PTPRD: variants seen among roughly 807,000 people sequenced by gnomAD.
PTPRD encodes the protein receptor-type tyrosine-protein phosphatase delta.
Under a neutral mutation model 214.5 loss-of-function variants are expected in PTPRD, and 34 were observed. The observed-to-expected ratio is 0.16, with a 90% CI of 0.12 to 0.21. The LOEUF (loss-of-function observed/expected upper bound fraction) is 0.21. Among genes scored for constraint, PTPRD ranks in the 10% least tolerant of loss-of-function variants. The pLI is 1.00. For synonymous variants in PTPRD, 1,128 were observed against 845.7 expected (o/e 1.33, Z -5.79); for missense variants, 2,545 against 2,398.7 (o/e 1.06, Z -1.27).
chr9:10,556,347 G>A (rs937438058), intron 2 of PTPRD, among the ~76,000 whole-genome samples: 1 of 151,800 alleles, frequency 6.6e-6, no homozygotes, highest in Non-Finnish European at 1.5e-5. Flanking sequence ...AAAAAAACAT[G>A]GAAGGAGATA....
At chr9:9,942,226 T>C (rs1315433503) in intron 4 of PTPRD, among the ~76,000 whole-genome samples, 1 of 152,158 alleles carries the variant, frequency 6.6e-6, no homozygotes, top group Non-Finnish European at 1.5e-5. Flanking sequence ...TATATTCTTA[T>C]TCTCCACCTC....
chr9:8,738,575 T>C (rs2091088520), intron 11 of PTPRD, among the ~76,000 whole-genome samples: 1 of 150,150 alleles, frequency 6.7e-6, no homozygotes, highest in African/African-American at 2.4e-5. Flanking sequence ...AAATCCAAGA[T>C]GATGAGGTGC....
chr9:10,091,827 A>T (rs1293629926), intron 3 of PTPRD, among the ~76,000 whole-genome samples: 2 of 151,458 alleles, frequency 1.3e-5, no homozygotes, highest in Admixed American at 1.3e-4. Context: ...AAAAAATAGC[A>T]TCATCATTAA....
At chr9:9,082,405 G>A (rs953547983) in intron 10 of PTPRD, among the ~76,000 whole-genome samples, 5 of 151,882 alleles carry the variant, frequency 3.3e-5, no homozygotes, top group Admixed American at 6.6e-5. Flanking sequence ...ATTCAACACC[G>A]CTTCATGCTA....
chr9:8,378,492 T>C (rs902819630), intron 37 of PTPRD, among the ~76,000 whole-genome samples: 3 of 152,070 alleles, frequency 2.0e-5, no homozygotes, highest in Non-Finnish European at 2.9e-5. Context: ...GTCAGGTGGA[T>C]GTCTCCCAGC....
chr9:9,387,120 T>C (rs1027891237), intron 9 of PTPRD, among the ~76,000 whole-genome samples: 4 of 152,208 alleles, frequency 2.6e-5, no homozygotes, highest in Admixed American at 6.5e-5. Context: ...AAGGCTTACA[T>C]TGGAATGAAT....
At chr9:8,500,264 A>G (rs1221134007) in intron 24 of PTPRD, among the ~76,000 whole-genome samples, 1 of 152,090 alleles carries the variant, frequency 6.6e-6, no homozygotes. Context: ...ATTCTTGATT[A>G]TATGTATTAT....
At chr9:9,019,146 A>T (rs557942088) in intron 10 of PTPRD, among the ~76,000 whole-genome samples, 17 of 152,132 alleles carry the variant, frequency 1.1e-4, no homozygotes, top group Non-Finnish European at 1.9e-4. Flanking sequence ...AACCTTTGTT[A>T]AGATTTTAAT....
At chr9:8,348,608 C>A (rs2074524618) in intron 39 of PTPRD, among the ~76,000 whole-genome samples, 3 of 152,120 alleles carry the variant, frequency 2.0e-5, no homozygotes, top group Non-Finnish European at 4.4e-5. Flanking sequence ...TCAAAAATTT[C>A]ATCTAGATAT....
At chr9:8,768,946 C>T (rs966905928) in intron 11 of PTPRD, among the ~76,000 whole-genome samples, 42 of 152,140 alleles carry the variant, frequency 2.8e-4, no homozygotes, top group African/African-American at 1.0e-3. Flanking sequence ...TGTTATAGCA[C>T]TATATAATAA....
chr9:10,529,812 C>T (rs2055609674), intron 2 of PTPRD, among the ~76,000 whole-genome samples: 1 of 151,540 alleles, frequency 6.6e-6, no homozygotes, highest in Non-Finnish European at 1.5e-5. Flanking sequence ...AAACACAAAA[C>T]CAAACACCAC....
At chr9:9,413,026 T>C (rs954805898) in intron 8 of PTPRD, among the ~76,000 whole-genome samples, 3 of 151,838 alleles carry the variant, frequency 2.0e-5, no homozygotes, top group African/African-American at 7.3e-5. Context: ...TGATGTAGGG[T>C]TGTTATTCCA....
At chr9:9,751,064 C>A (rs1746789) in intron 6 of PTPRD, among the ~76,000 whole-genome samples, 18,337 of 152,160 alleles carry the variant, frequency 0.12, 1,837 homozygotes, top group African/African-American at 0.27. Flanking sequence ...CCTGCCACAG[C>A]AGACAGGTTC....
chr9:8,452,191 T>C (rs892751918), intron 33 of PTPRD, among the ~76,000 whole-genome samples: 1 of 152,220 alleles, frequency 6.6e-6, no homozygotes. Context: ...CTCAGACTCC[T>C]GAAATCCTAG....
chr9:9,047,859 A>C (rs324538), intron 10 of PTPRD, among the ~76,000 whole-genome samples: 139,318 of 152,128 alleles, frequency 0.92, 63,915 homozygotes, highest in East Asian at 1. Flanking sequence ...AACCAAGCAA[A>C]CAAAGCAGAA....
Position 8,618,906 on chromosome 9 carries a change from G to GTTTTT in PTPRD, c.352+14406_352+14410dup, listed in dbSNP as rs1270022921. On this transcript the variant is annotated intron_variant, in intron 14 of 45. Coordinates refer to ENST00000381196, the MANE Select transcript of PTPRD (RefSeq NM_002839.4). Reference sequence around the variant, plus strand: ...TGTGTGTGTGTGTGTGTTTGTCTGTGTTTTTTTGTTTTTTTTTTTTTTTTT... The same window carrying GTTTTT: ...TGTGTGTGTGTGTGTGTTTGTCTGTGTTTTTTTTTTTTGTTTTTTTTTTTTTTTTT... Among the ~76,000 whole-genome samples, 13 of 96,842 alleles carry GTTTTT rather than the reference G, an allele frequency of 1.3e-4. 1 individual carries two copies. The highest frequency in any genetic ancestry group is 5.1e-4 in the African/African-American group (13 of 25,500). The allele number at this position is 96,842 out of a possible 152,430, so 63.5% of individuals were successfully genotyped here.
chr9:9,632,493 T>C (rs772954901), intron 7 of PTPRD, among the ~76,000 whole-genome samples: 8 of 152,128 alleles, frequency 5.3e-5, no homozygotes, highest in East Asian at 3.9e-4. Flanking sequence ...GTGGTGATGA[T>C]TGTACAATCT....
chr9:10,011,677 A>G (rs1171481988), intron 4 of PTPRD, among the ~76,000 whole-genome samples: 1 of 152,016 alleles, frequency 6.6e-6, no homozygotes, highest in African/African-American at 2.4e-5. Flanking sequence ...ACATTGTAAC[A>G]TGTTGAACTC....
At chr9:10,047,928 T>C (rs1404254849) in intron 3 of PTPRD, among the ~76,000 whole-genome samples, 1 of 152,158 alleles carries the variant, frequency 6.6e-6, no homozygotes, top group African/African-American at 2.4e-5. Flanking sequence ...ACTCTATTTC[T>C]TTTCCTGTCT....
Sources: allele counts gnomAD v4.1 joint callset (sites outside exome capture counted in the v4.1 genomes callset), GRCh38; gene constraint gnomAD v4.1.1; transcripts MANE v1.5; gene names NCBI Gene and HGNC (gene_info 2026-07-23, HGNC 2026-07-21).